C11orf65: variants seen among roughly 807,000 people sequenced by gnomAD.
The protein encoded by C11orf65 is chromosome 11 open reading frame 65.
Under a neutral mutation model 35.3 loss-of-function variants are expected in C11orf65, and 38 were observed. The ratio of observed to expected loss-of-function variants is 1.08; its 90% CI spans 0.83 to 1.41. The LOEUF (loss-of-function observed/expected upper bound fraction) is 1.41, where lower values mean the gene tolerates loss of function less well. C11orf65 is among the 40% of genes most tolerant of loss of function. The pLI, the probability that C11orf65 is intolerant of heterozygous loss-of-function variation, is 0.00. For synonymous variants in C11orf65, 105 were observed against 114.4 expected (o/e 0.92, Z 0.53); for missense variants, 370 against 367.1 (o/e 1.01, Z -0.06).
At chr11:108,365,003 A>T (rs2137857671) in intron 2 of C11orf65, 2 of 1,523,288 alleles carry the variant, frequency 1.3e-6, no homozygotes, top group Non-Finnish European at 1.8e-6. Context: ...GCTTATTTGT[A>T]TGATACTGGT....
At chr11:108,336,748 C>G (rs567278430) in intron 2 of C11orf65, among the ~76,000 whole-genome samples, 6 of 152,314 alleles carry the variant, frequency 3.9e-5, no homozygotes, top group Middle Eastern at 3.4e-3. Flanking sequence ...CCAAATTACT[C>G]TCAATGGGAG....
chr11:108,313,077 A>C (rs906051728), intron 6 of C11orf65, among the ~76,000 whole-genome samples: 2 of 152,168 alleles, frequency 1.3e-5, no homozygotes, highest in African/African-American at 4.8e-5. Flanking sequence ...ATCTCGCCAC[A>C]TCCCACTCTC....
intron 3 of C11orf65, among the ~76,000 whole-genome samples, chr11:108,421,801 T>G (rs1204523766): frequency 6.6e-6 from 1 of 152,228 alleles, no homozygotes; most frequent in Non-Finnish European, 1.5e-5. Context: ...GAACAAGGCA[T>G]GTTTGATAGG....
At chr11:108,308,584 T>G (rs1349651223) in exon 7 of C11orf65, 1 of 195,172 alleles carries the variant, frequency 5.1e-6, no homozygotes, top group Non-Finnish European at 1.1e-5. Context: ...GAGTACTGCT[T>G]GAGAGTTGAC....
At chr11:108,334,070 T>C in intron 3 of C11orf65, 3 of 891,252 alleles carry the variant, frequency 3.4e-6, no homozygotes, top group South Asian at 2.8e-5. Context: ...TGGTTAAATA[T>C]TGGCAAATTT....
intron 3 of C11orf65, among the ~76,000 whole-genome samples, chr11:108,421,513 G>C (rs1006768734): frequency 2.0e-5 from 3 of 152,050 alleles, no homozygotes; most frequent in Non-Finnish European, 4.4e-5. Context: ...AAAAAAATTA[G>C]CTGGGCTTGG....
At chr11:108,465,177 C>T (rs2093519868) in intron 1 of C11orf65, among the ~76,000 whole-genome samples, 1 of 152,140 alleles carries the variant, frequency 6.6e-6, no homozygotes, top group Non-Finnish European at 1.5e-5. Context: ...AACACTGGAT[C>T]TTAAAAATCC....
rs1245746261 is a variant in C11orf65, at chr11:108,465,586, T to C, written c.-10+1885A>G. On this transcript the variant is annotated intron_variant, in intron 1 of 8. Coordinates refer to ENST00000393084, the MANE Select transcript of C11orf65 (RefSeq NM_152587.5). ...GGAAGTTTGGGTTGGGTTGAGGAAG[T>C]GGGAAAGTTGAGACAGTAAGTACAG... Among the ~76,000 whole-genome samples, 7 of 151,494 alleles carry C rather than the reference T, an allele frequency of 4.6e-5. No homozygotes were observed. In the South Asian group the frequency reaches 6.2e-4, roughly 14 times the overall value.
rs546882521 is a variant in C11orf65, at chr11:108,419,974, T to C, written c.174+11772A>G. Among the ~76,000 whole-genome samples, 4 of 152,302 alleles carry C rather than the reference T, an allele frequency of 2.6e-5. No individual in the cohort carries two copies. The South Asian group carries it at 8.3e-4, about 32-fold the overall frequency. On this transcript the variant is annotated intron_variant, in intron 3 of 8. Transcript: ENST00000393084. ...AGGCAAAAACAAAACTCATTGAGGA[T>C]GACATGATTGTTTATATTGAAAATC...
At chr11:108,444,337 C>G (rs1262422647) in intron 2 of C11orf65, among the ~76,000 whole-genome samples, 1 of 151,954 alleles carries the variant, frequency 6.6e-6, no homozygotes, top group Non-Finnish European at 1.5e-5. Context: ...AGCCTACCAA[C>G]CAAAAAAAAG....
chr11:108,449,624 C>T (rs1330055153), intron 2 of C11orf65, among the ~76,000 whole-genome samples: 1 of 152,024 alleles, frequency 6.6e-6, no homozygotes. Context: ...ACACCTGATA[C>T]AAAAATTAAC....
chr11:108,385,872 T>A, intron 8 of C11orf65, 48 bp downstream of exon 8: 1 of 1,481,546 alleles, frequency 6.7e-7, no homozygotes, highest in East Asian at 2.3e-5. Flanking sequence ...TGGAATGTAT[T>A]TTTTGTTCAT....
At chr11:108,310,807 C>A (rs1386874711) in intron 6 of C11orf65, among the ~76,000 whole-genome samples, 1 of 152,036 alleles carries the variant, frequency 6.6e-6, no homozygotes, top group African/African-American at 2.4e-5. Context: ...TCTTTATCTA[C>A]CTATATTTCT....
chr11:108,463,908 C>T (rs953800652), intron 1 of C11orf65, among the ~76,000 whole-genome samples: 2 of 150,726 alleles, frequency 1.3e-5, no homozygotes, highest in Middle Eastern at 3.2e-3. Context: ...ATATTTCAGG[C>T]CTAAAAGATT....
chr11:108,403,831 T>C (rs1290479874), intron 6 of C11orf65, among the ~76,000 whole-genome samples: 3 of 152,258 alleles, frequency 2.0e-5, no homozygotes, highest in African/African-American at 4.8e-5. Flanking sequence ...ATTTATTTTT[T>C]TGAGACGGAG....
intron 2 of C11orf65, chr11:108,335,755 G>T (rs2086768218): frequency 2.1e-6 from 2 of 961,414 alleles, no homozygotes; most frequent in Non-Finnish European, 1.6e-6. Flanking sequence ...GCTCAGATTG[G>T]TTTGAGTGCC....
At chr11:108,403,837 C>T (rs373913207) in intron 6 of C11orf65, among the ~76,000 whole-genome samples, 2 of 152,068 alleles carry the variant, frequency 1.3e-5, no homozygotes, top group Non-Finnish European at 2.9e-5. Flanking sequence ...TTTTTTGAGA[C>T]GGAGTCTCGC....
upstream of C11orf65, among the ~76,000 whole-genome samples, chr11:108,468,078 C>T (rs920340165): frequency 3.3e-5 from 5 of 152,138 alleles, no homozygotes; most frequent in South Asian, 2.1e-4. Context: ...GCGATCCCCC[C>T]CTACCCCATC....
intron 1 of C11orf65, among the ~76,000 whole-genome samples, chr11:108,466,916 C>T (rs1476832345): frequency 6.6e-6 from 1 of 152,090 alleles, no homozygotes; most frequent in African/African-American, 2.4e-5. Flanking sequence ...TTCGCGTGGC[C>T]TTTATAAGTT....
Sources: gnomAD v4.1 joint callset for allele counts (sites outside exome capture counted in the v4.1 genomes callset) on GRCh38, gnomAD v4.1.1 for gene constraint, MANE v1.5 for transcripts, NCBI Gene and HGNC (gene_info 2026-07-23, HGNC 2026-07-21) for gene names.